The following KLHL42 variants were observed in gnomAD, a reference collection of about 807,000 sequenced individuals.
KLHL42 encodes kelch like family member 42, also known as kelch-like protein 42.
Under a neutral mutation model 32.7 loss-of-function variants are expected in KLHL42, and 27 were observed. The ratio of observed to expected loss-of-function variants is 0.83; its 90% CI spans 0.61 to 1.14. The LOEUF is 1.14. Among genes scored for constraint, KLHL42 ranks in the 50% most tolerant of loss-of-function variants. KLHL42 has a pLI of 0.00. For synonymous variants in KLHL42, 267 were observed against 248.2 expected (o/e 1.08, Z -0.71); for missense variants, 491 against 560.8 (o/e 0.88, Z 1.26).
At chr12:27,797,383 C>A in intron 2 of KLHL42, 1 of 494,498 alleles carries the variant, frequency 2.0e-6, no homozygotes, top group Non-Finnish European at 4.0e-6. Context: ...GGTTCTGAGG[C>A]ACTTACTTTT....
chr12:27,785,724 T>C (rs1293611855), intron 1 of KLHL42, among the ~76,000 whole-genome samples: 2 of 151,542 alleles, frequency 1.3e-5, no homozygotes, highest in Non-Finnish European at 2.9e-5. Flanking sequence ...GATCAGGAAC[T>C]AGGACTTACT....
Position 27,780,921 on chromosome 12 carries a change from G to T in KLHL42, c.591G>T (p.Val197=). 6.2e-7 allele frequency: 1 copy of T among 1,606,196 alleles called. No homozygotes were observed. The highest frequency in any genetic ancestry group is 8.5e-7 in the Non-Finnish European group (1 of 1,173,894). ...EARMTGTPVL[V]ALGDFLGGPL... ...GGATGACTGGGACTCCTGTCCTCGT[G>T]GCCCTCGGGGACTTCCTGGGGGGAC... is the stretch of plus-strand genomic sequence containing the variant. The change falls in exon 1 of 3, where the codon GTG becomes GTT. Residue 197 remains valine (V), a synonymous_variant. Transcript: ENST00000381271. The surrounding 1 kb of genome is among the most constrained non-coding windows in gnomAD (Gnocchi z 8.8).
intron 1 of KLHL42, among the ~76,000 whole-genome samples, chr12:27,787,066 T>G (rs780701398): frequency 6.6e-6 from 1 of 152,040 alleles, no homozygotes; most frequent in Non-Finnish European, 1.5e-5. Context: ...CTGGAGAAGA[T>G]AGTGGGTGCT....
chr12:27,792,890 T>C (rs984374722), intron 2 of KLHL42, among the ~76,000 whole-genome samples: 2 of 152,178 alleles, frequency 1.3e-5, no homozygotes, highest in Non-Finnish European at 2.9e-5. Flanking sequence ...TTATTGTTAA[T>C]AATTTGGAAA....
chr12:27,785,257 T>C (rs2140814233), intron 1 of KLHL42, among the ~76,000 whole-genome samples: 1 of 152,282 alleles, frequency 6.6e-6, no homozygotes, highest in East Asian at 1.9e-4. Flanking sequence ...TGGAGTACAG[T>C]GGTGTGATCA....
intron 1 of KLHL42, among the ~76,000 whole-genome samples, chr12:27,788,401 C>T (rs1031304329): frequency 6.6e-6 from 1 of 152,164 alleles, no homozygotes; most frequent in Non-Finnish European, 1.5e-5. Context: ...AGTTTAATTA[C>T]CTTCCACATA....
chr12:27,792,155 C>CTT, intron 2 of KLHL42: 1 of 264,554 alleles, frequency 3.8e-6, no homozygotes, highest in Non-Finnish European at 7.1e-6. Context: ...AATGTTATCT[C>CTT]TTTTTTTTTG....
intron 1 of KLHL42, among the ~76,000 whole-genome samples, chr12:27,783,537 G>GT (rs1332807923): frequency 5.3e-5 from 8 of 151,810 alleles, no homozygotes; most frequent in African/African-American, 1.7e-4. Flanking sequence ...ATATCTGAGA[G>GT]TTTTTTTTCT....
Position 27,801,203 on chromosome 12 carries a change from ATT to A in KLHL42, c.*3049_*3050del, listed in dbSNP as rs35330553. The A allele has an allele frequency of 2.7e-4, 40 of 148,312 alleles. No homozygotes were observed. The highest frequency in any genetic ancestry group is 8.9e-4 in the African/African-American group (36 of 40,626). 9.2% of individuals were successfully genotyped at this position (148,312 alleles called of 1,614,324 possible). ...GAACCAAAGAGAATTTAACCCTGCCATTTTTTTTTTTTTAACACCAAGATCCT... is the reference window on the plus strand; with the variant it reads ...GAACCAAAGAGAATTTAACCCTGCCATTTTTTTTTTTAACACCAAGATCCT... On this transcript the variant is annotated 3_prime_UTR_variant, in exon 3 of 3. Coordinates refer to ENST00000381271, the MANE Select transcript of KLHL42 (RefSeq NM_020782.2).
intron 1 of KLHL42, among the ~76,000 whole-genome samples, chr12:27,789,810 A>G (rs1446620471): frequency 2.0e-5 from 3 of 152,154 alleles, no homozygotes; most frequent in Non-Finnish European, 4.4e-5. Flanking sequence ...TTGGCACAAA[A>G]AAGTGGGCTG....
chr12:27,786,719 G>GTTTTTTTTTTTTTTTT, intron 1 of KLHL42, among the ~76,000 whole-genome samples: 1 of 101,144 alleles, frequency 9.9e-6, no homozygotes, highest in Non-Finnish European at 1.9e-5. Flanking sequence ...GATTGAAAGA[G>GTTTTTTTTTTTTTTTT]TTTTTTTTTT....
rs74074295 is a variant in KLHL42, at chr12:27,800,604, T to C, written c.*2438T>C. The C allele has an allele frequency of 0.036, 5,603 of 156,060 alleles. 325 individuals are homozygous for C. Among genetic ancestry groups the C allele is most frequent in the African/African-American group, 0.13 (5,281 of 41,388 alleles). The allele number at this position is 156,060 out of a possible 1,614,324, so 9.7% of individuals were successfully genotyped here. On this transcript the variant is annotated 3_prime_UTR_variant, in exon 3 of 3. Coordinates refer to ENST00000381271, the MANE Select transcript of KLHL42 (RefSeq NM_020782.2). ...GTATTACATTGAAGACTACCTATGA[T>C]AGAGGCAATGTTGCTTTGAAAATCT...
In KLHL42 at chr12:27,800,903, C is replaced by G. The variant is rs1309452967; in HGVS notation, c.*2737C>G. 6.6e-6 allele frequency: 1 copy of G among 152,088 alleles called. No homozygotes were observed. Among genetic ancestry groups the G allele is most frequent in the Non-Finnish European group, 1.5e-5 (1 of 68,020 alleles). The allele number at this position is 152,088 out of a possible 1,614,324, so 9.4% of individuals were successfully genotyped here. On this transcript the variant is annotated 3_prime_UTR_variant, in exon 3 of 3. Transcript: ENST00000381271. ...AGGACCTGGGGTGGCAGCCCCCCGA[C>G]CAGAAGCACCCTATTTTATAGATAG...
Position 27,798,127 on chromosome 12 carries a change from G to T in KLHL42, c.1479G>T (p.Leu493=), listed in dbSNP as rs770110268. The T allele has an allele frequency of 1.4e-5, 11 of 780,518 alleles. No homozygotes were observed. The African/African-American group carries it at 1.7e-4, about 12-fold the overall frequency. The allele number at this position is 780,518 out of a possible 1,614,324, so 48.3% of individuals were successfully genotyped here. A position where few individuals can be genotyped will look rare whatever the true frequency, so the allele number is the denominator to read the frequency against. The change falls in exon 3 of 3, where the codon CTG becomes CTT. Residue 493 remains leucine (L), a synonymous_variant. Coordinates refer to ENST00000381271, the MANE Select transcript of KLHL42 (RefSeq NM_020782.2). Reference sequence around the variant, plus strand: ...TTCCAGCTTTTGGACATAACTTGCTGGTTTCTTCTCTTTATCTGCCCAATA... The same window carrying T: ...TTCCAGCTTTTGGACATAACTTGCTTGTTTCTTCTCTTTATCTGCCCAATA... ...RRFPAFGHNL[L]VSSLYLPNKA...
At chr12:27,792,679 T>C (rs548730853) in intron 2 of KLHL42, among the ~76,000 whole-genome samples, 26 of 151,870 alleles carry the variant, frequency 1.7e-4, no homozygotes, top group South Asian at 1.0e-3. Flanking sequence ...TGCACCACCA[T>C]GCCCCGCTAA....
intron 1 of KLHL42, chr12:27,787,823 G>C (rs192108154): frequency 6.6e-6 from 1 of 152,316 alleles, no homozygotes. Flanking sequence ...ACCATTTTTG[G>C]AGCATTTCTG....
intron 1 of KLHL42, 22 bp downstream of exon 1, chr12:27,781,224 T>C (rs909423083): frequency 1.2e-6 from 2 of 1,610,678 alleles, no homozygotes; most frequent in African/African-American, 2.7e-5. Context: ...GGCAGAGTGC[T>C]GCTGCCTTCT....
rs12820185 is a variant in KLHL42, at chr12:27,780,480, G to C, written c.150G>C (p.Glu50Asp). ...TGAGCCAGGAGGCCGGCGGCCCGGAGGTGCAGCAGCTGCGCGGCCTCAGCG... is the reference window on the plus strand; with the variant it reads ...TGAGCCAGGAGGCCGGCGGCCCGGACGTGCAGCAGCTGCGCGGCCTCAGCG... The part of the protein sequence containing the change: ...EALSQEAGGP[E>D]VQQLRGLSAP... The change falls in exon 1 of 3, where the codon GAG becomes GAC. Residue 50 changes from glutamate to aspartate, a missense_variant. By Grantham distance (45) the Glu-to-Asp change is conservative. This residue lies in a region of KLHL42 where 88 missense variants were observed against 89.0 expected (regional missense o/e 0.99). Transcript: ENST00000381271. The surrounding 1 kb of genome is among the most constrained non-coding windows in gnomAD (Gnocchi z 8.8). 1.9e-6 allele frequency: 3 copies of C among 1,544,968 alleles called. No individual in the cohort carries two copies. The Admixed American group carries it at 5.9e-5, about 30-fold the overall frequency.
intron 2 of KLHL42, among the ~76,000 whole-genome samples, chr12:27,795,049 T>C (rs2062212657): frequency 6.6e-6 from 1 of 152,076 alleles, no homozygotes; most frequent in African/African-American, 2.4e-5. Flanking sequence ...GTAATCCCCC[T>C]CTCTCGTGTG....
Sources: gnomAD v4.1 joint callset for allele counts (sites outside exome capture counted in the v4.1 genomes callset) on GRCh38, gnomAD v4.1.1 for gene constraint, gnomAD v4.1.1 regional missense constraint, Gnocchi (gnomAD v3.1) non-coding constraint, MANE v1.5 for transcripts, NCBI Gene and HGNC (gene_info 2026-07-23, HGNC 2026-07-21) for gene names.